The following HSPBAP1 variants were observed in gnomAD, a reference collection of about 807,000 sequenced individuals.
HSPBAP1 encodes HSPB1 associated protein 1.
In HSPBAP1, 27 loss-of-function variants were observed where a neutral mutation model predicts 45.2. The observed-to-expected ratio is 0.60, with a 90% CI of 0.44 to 0.82. The LOEUF is 0.82. HSPBAP1 is among the 40% of genes least tolerant of loss of function. HSPBAP1 has a pLI of 0.00. For missense variants in HSPBAP1, 510 were observed against 590.9 expected (o/e 0.86, Z 1.42); for synonymous variants, 204 against 202.7 (o/e 1.01, Z -0.06).
chr3:122,779,866 T>C (rs528924323), intron 1 of HSPBAP1, among the ~76,000 whole-genome samples: 6,248 of 151,990 alleles, frequency 0.041, 339 homozygotes, highest in African/African-American at 0.14. Flanking sequence ...GAAGAATTTT[T>C]CTTAGTACAG....
Position 122,740,301 on chromosome 3 carries a change from A to G in HSPBAP1, c.*44T>C, listed in dbSNP as rs1381917407. The G allele has an allele frequency of 2.4e-6, 3 of 1,238,586 alleles. 1 individual carries two copies. The South Asian group carries it at 6.1e-5, about 25-fold the overall frequency. The allele number at this position is 1,238,586 out of a possible 1,614,324, so 76.7% of individuals were successfully genotyped here. A position where few individuals can be genotyped will look rare whatever the true frequency, so the allele number is the denominator to read the frequency against. On this transcript the variant is annotated 3_prime_UTR_variant, in exon 8 of 8. Coordinates refer to ENST00000306103, the MANE Select transcript of HSPBAP1 (RefSeq NM_024610.6). Reference sequence around the variant, plus strand: ...TATTTTAGTCATACTACTTAAAAATATATATTTAAAAAATATTATTTTAAA... The same window carrying G: ...TATTTTAGTCATACTACTTAAAAATGTATATTTAAAAAATATTATTTTAAA...
intron 1 of HSPBAP1, among the ~76,000 whole-genome samples, chr3:122,778,225 T>G (rs1167828051): frequency 2.0e-5 from 3 of 151,194 alleles, no homozygotes; most frequent in South Asian, 2.1e-4. Flanking sequence ...GTTGTTTTTT[T>G]TTTTTAATGT....
chr3:122,783,413 A>AT lies in HSPBAP1; in HGVS notation c.65-5508dup, dbSNP rs1279843250. On this transcript the variant is annotated intron_variant, in intron 1 of 7. Coordinates refer to ENST00000306103, the MANE Select transcript of HSPBAP1 (RefSeq NM_024610.6). ...CGCGTGTATGAAAATGAACACCCAC[A>AT]TTTTTTTATTATACGTTTTTAAAGT... is the stretch of plus-strand genomic sequence containing the variant. Among the ~76,000 whole-genome samples, 4 of 152,070 alleles carry AT rather than the reference A, an allele frequency of 2.6e-5. No individual in the cohort carries two copies. The East Asian group carries it at 7.7e-4, about 29-fold the overall frequency.
At chr3:122,788,854 A>C (rs953754959) in intron 1 of HSPBAP1, among the ~76,000 whole-genome samples, 5 of 152,190 alleles carry the variant, frequency 3.3e-5, no homozygotes, top group African/African-American at 1.2e-4. Context: ...AATATGAAAA[A>C]GCTCTAGAGA....
intron 3 of HSPBAP1, 99 bp downstream of exon 3, chr3:122,768,602 T>G: frequency 9.2e-6 from 7 of 757,368 alleles, no homozygotes; most frequent in Non-Finnish European, 1.5e-5. Flanking sequence ...CGATTACTTA[T>G]GAGAGAAAAA....
Position 122,793,271 on chromosome 3 carries a change from A to C in HSPBAP1, c.64+346T>G, listed in dbSNP as rs1935892644. 2.6e-5 allele frequency among the ~76,000 whole-genome samples: 4 copies of C among 152,342 alleles called. No homozygotes were observed. The South Asian group carries it at 8.3e-4, about 32-fold the overall frequency. On this transcript the variant is annotated intron_variant, in intron 1 of 7. Coordinates refer to ENST00000306103, the MANE Select transcript of HSPBAP1 (RefSeq NM_024610.6). ...ACAAAAGTCTCAGATAACTTCCATT[A>C]ATCTCAAAGGTTGCCTTCAATTTCA...
chr3:122,784,893 C>T (rs1935602304), intron 1 of HSPBAP1, among the ~76,000 whole-genome samples: 1 of 152,176 alleles, frequency 6.6e-6, no homozygotes, highest in African/African-American at 2.4e-5. Context: ...TTACAATGCA[C>T]TTTTACAGAC....
At chr3:122,768,592 C>T (rs534228453) in intron 3 of HSPBAP1, 109 bp downstream of exon 3, 41 of 700,294 alleles carry the variant, frequency 5.9e-5, no homozygotes, top group Middle Eastern at 8.4e-4. Context: ...AGATTCATGG[C>T]GATTACTTAT....
At position 122,768,743 on chromosome 3, in the gene HSPBAP1, T is replaced by G. The variant is rs775688072; in HGVS notation, c.390A>C (p.Lys130Asn). 5.0e-6 allele frequency: 8 copies of G among 1,612,894 alleles called. No individual in the cohort carries two copies. The highest frequency in any genetic ancestry group is 6.8e-6 in the Non-Finnish European group (8 of 1,178,928). Residue 130 changes from lysine (K) to asparagine (N), a missense_variant, in exon 3 of 8, where the codon AAA (lysine) becomes AAC (asparagine). Physicochemically the swap from Lys to Asn is moderately conservative, Grantham distance 94 (BLOSUM62 0). Coordinates refer to ENST00000306103, the MANE Select transcript of HSPBAP1 (RefSeq NM_024610.6). ...HSKFWAYADY[K>N]YFVSLFEDKT... ...TGTCTTCAAATAGACTGACAAAATA[T>G]TTATAGTCAGCATAAGCCCAGAACT...
chr3:122,745,172 C>T (rs1933801943), intron 6 of HSPBAP1, among the ~76,000 whole-genome samples: 1 of 151,930 alleles, frequency 6.6e-6, no homozygotes, highest in African/African-American at 2.4e-5. Context: ...ACCAAATCTC[C>T]ACCCCCACCC....
intron 6 of HSPBAP1, among the ~76,000 whole-genome samples, chr3:122,751,333 CT>C: frequency 6.6e-6 from 1 of 152,102 alleles, no homozygotes; most frequent in East Asian, 1.9e-4. Context: ...AATTATAATC[CT>C]CATTTTACAA....
rs747939823 is a variant in HSPBAP1, at chr3:122,755,368, A to G, written c.633T>C (p.Tyr211=). The G allele has an allele frequency of 6.3e-7, 1 of 1,597,608 alleles. No homozygotes were observed. Among genetic ancestry groups the G allele is most frequent in the South Asian group, 1.1e-5 (1 of 89,172 alleles). Residue 211 remains tyrosine (Y), a synonymous_variant, in exon 5 of 8, where the codon TAT becomes TAC. Transcript: ENST00000306103. ...TTTTACTGAACACACTAGATTCTTC[A>G]TAAGGGATTCTAGTTGGATAAAGGA... ...TPFLYPTRIP[Y]EESSVFSKIN...
intron 5 of HSPBAP1, chr3:122,753,592 T>C (rs777835448): frequency 7.3e-5 from 72 of 984,268 alleles, no homozygotes; most frequent in Non-Finnish European, 8.3e-5. Flanking sequence ...CTATCCAGAC[T>C]CAGTATGAGA....
intron 1 of HSPBAP1, among the ~76,000 whole-genome samples, chr3:122,786,211 A>T (rs2107542680): frequency 1.3e-5 from 2 of 152,144 alleles, no homozygotes; most frequent in South Asian, 4.1e-4. Context: ...ATTTTCAAGG[A>T]TAACCATATT....
rs747607413 is a variant in HSPBAP1, at chr3:122,793,658, G to T, written c.23C>A (p.Thr8Asn). The T allele has an allele frequency of 3.7e-6, 6 of 1,613,772 alleles. No homozygotes were observed. Among genetic ancestry groups the T allele is most frequent in the Non-Finnish European group, 5.1e-6 (6 of 1,180,018 alleles). The change falls in exon 1 of 8, where the codon ACC (threonine) becomes AAC (asparagine). Residue 8 changes from threonine (T) to asparagine (N), a missense_variant. By Grantham distance (65) the Thr-to-Asn change is moderately conservative. Transcript: ENST00000306103. ...CCCAGCCGCAACGATCACAGGAGTG[G>T]TCGCCTCGGAGCCTGCTGCCATGGC... is the stretch of plus-strand genomic sequence containing the variant. The part of the protein sequence containing the change: MAAGSEA[T>N]TPVIVAAGAG...
chr3:122,793,208 G>A (rs1346841735), intron 1 of HSPBAP1, among the ~76,000 whole-genome samples: 3 of 152,134 alleles, frequency 2.0e-5, no homozygotes, highest in Non-Finnish European at 4.4e-5. Flanking sequence ...CTAAACCAGG[G>A]TTCACTGAAA....
In HSPBAP1 at chr3:122,759,266, A is replaced by G; in HGVS notation, c.527T>C (p.Leu176Pro). Residue 176 changes from leucine to proline, a missense_variant, in exon 4 of 8, where the codon CTG becomes CCG. Transcript: ENST00000306103. ...GSLGAHTPCHLDSYGCNLVFQ... is the reference protein window; with the variant it reads ...GSLGAHTPCHPDSYGCNLVFQ... ...TACCAAGTTACAACCATAGGAGTCC[A>G]GATGACAGGGTGTGTGGGCTCCCAA... 1.2e-6 allele frequency: 2 copies of G among 1,613,840 alleles called. No individual in the cohort carries two copies. Among genetic ancestry groups the G allele is most frequent in the South Asian group, 1.1e-5 (1 of 91,080 alleles).
intron 2 of HSPBAP1, 57 bp from the exon 3 acceptor site, chr3:122,768,939 G>GTT: frequency 3.0e-5 from 30 of 1,012,120 alleles, no homozygotes; most frequent in South Asian, 5.7e-5. Context: ...CCTAATTATT[G>GTT]TTTTTTTTTT....
chr3:122,758,776 A>C (rs1465732802), intron 4 of HSPBAP1: 1 of 454,914 alleles, frequency 2.2e-6, no homozygotes, highest in South Asian at 1.6e-5. Flanking sequence ...ACACACCTGT[A>C]GTCCTAGATA....
Sources: allele counts gnomAD v4.1 joint callset (sites outside exome capture counted in the v4.1 genomes callset), GRCh38; gene constraint gnomAD v4.1.1; transcripts MANE v1.5; gene names NCBI Gene and HGNC (gene_info 2026-07-23, HGNC 2026-07-21).